CADPS: variants seen among roughly 807,000 people sequenced by gnomAD.
CADPS encodes calcium-dependent secretion activator 1.
In CADPS, 57 loss-of-function variants were observed where a neutral mutation model predicts 167.3. That is an observed-to-expected ratio of 0.34 (90% CI 0.28 to 0.42). CADPS has a LOEUF of 0.42. Among genes scored for constraint, CADPS ranks in the 20% least tolerant of loss-of-function variants. CADPS has a pLI of 1.00. For missense variants in CADPS, 1,414 were observed against 1,738.1 expected (o/e 0.81, Z 3.32); for synonymous variants, 676 against 635.3 (o/e 1.06, Z -0.96).
At chr3:62,474,394 G>T in intron 23 of CADPS, 74 bp from the exon 24 acceptor site, 2 of 1,428,014 alleles carry the variant, frequency 1.4e-6, no homozygotes, top group Non-Finnish European at 1.9e-6. Flanking sequence ...TTTCTGAGAG[G>T]TCAGTGAAAA....
intron 1 of CADPS, among the ~76,000 whole-genome samples, chr3:62,854,623 G>T (rs2079291216): frequency 6.6e-6 from 1 of 152,164 alleles, no homozygotes; most frequent in Admixed American, 6.5e-5. Flanking sequence ...GAAAAATCTA[G>T]GTTGCAAAAG....
At chr3:62,873,015 C>A (rs2082912405) in intron 1 of CADPS, among the ~76,000 whole-genome samples, 1 of 152,120 alleles carries the variant, frequency 6.6e-6, no homozygotes. Flanking sequence ...AAATAATATC[C>A]CAAAAACTTT....
Position 62,724,754 on chromosome 3 carries a change from C to T in CADPS, c.888+28687G>A, listed in dbSNP as rs570951053. ...AACCAGCATCCTCATTTCCCCAACT[C>T]ATATTTCTCTGTTGCTCTCCACGAA... is the stretch of plus-strand genomic sequence containing the variant. On this transcript the variant is annotated intron_variant, in intron 3 of 29. Transcript: ENST00000383710. Among the ~76,000 whole-genome samples, 188 of 152,340 alleles carry T rather than the reference C, an allele frequency of 1.2e-3. 1 individual carries two copies. The highest frequency in any genetic ancestry group is 4.4e-3 in the African/African-American group (181 of 41,584).
chr3:62,707,211 G>A (rs554964156), intron 3 of CADPS, among the ~76,000 whole-genome samples: 4 of 152,158 alleles, frequency 2.6e-5, no homozygotes, highest in East Asian at 1.9e-4. Context: ...TTATAGGAGC[G>A]CGAACCCTAT....
At position 62,445,874 on chromosome 3, in the gene CADPS, T is replaced by C. The variant is rs2057140124; in HGVS notation, c.3637-77A>G. The C allele has an allele frequency of 7.8e-6, 8 of 1,026,314 alleles. 1 individual carries two copies. The highest frequency in any genetic ancestry group is 6.0e-5 in the South Asian group (2 of 33,422). The allele number at this position is 1,026,314 out of a possible 1,614,324, so 63.6% of individuals were successfully genotyped here. On this transcript the variant is annotated intron_variant, in intron 26 of 29. Coordinates refer to ENST00000383710, the MANE Select transcript of CADPS (RefSeq NM_003716.4). ...TTCACTGCTCAATGCTGTATCCCCATCAGAATCAAAACAACATGCTGGCAC... is the reference window on the plus strand; with the variant it reads ...TTCACTGCTCAATGCTGTATCCCCACCAGAATCAAAACAACATGCTGGCAC...
At chr3:62,523,405 T>C (rs1032819758) in intron 13 of CADPS, among the ~76,000 whole-genome samples, 2 of 152,198 alleles carry the variant, frequency 1.3e-5, no homozygotes, top group African/African-American at 4.8e-5. Flanking sequence ...GAATTCAAGA[T>C]TCAATGTGTT....
At chr3:62,726,044 G>A (rs183970351) in intron 3 of CADPS, among the ~76,000 whole-genome samples, 136 of 151,884 alleles carry the variant, frequency 9.0e-4, no homozygotes, top group South Asian at 7.5e-3. Flanking sequence ...GAGGCTGACG[G>A]CCTATGGTTA....
At chr3:62,493,301 G>GA (rs1434087598) in intron 19 of CADPS, among the ~76,000 whole-genome samples, 1 of 152,078 alleles carries the variant, frequency 6.6e-6, no homozygotes, top group African/African-American at 2.4e-5. Flanking sequence ...TTCTGGCAGG[G>GA]AGCATGCAGA....
At chr3:62,778,156 T>A (rs1265267024) in intron 1 of CADPS, among the ~76,000 whole-genome samples, 1 of 152,220 alleles carries the variant, frequency 6.6e-6, no homozygotes, top group African/African-American at 2.4e-5. Flanking sequence ...TCAGGTTGAG[T>A]GACGCCACTT....
At chr3:62,430,478 C>T (rs886569929) in intron 28 of CADPS, among the ~76,000 whole-genome samples, 1 of 152,016 alleles carries the variant, frequency 6.6e-6, no homozygotes, top group Non-Finnish European at 1.5e-5. Context: ...CATGAAGACA[C>T]TGGGAATTCG....
chr3:62,774,743 C>T (rs1244886788), intron 1 of CADPS, among the ~76,000 whole-genome samples: 2 of 152,172 alleles, frequency 1.3e-5, no homozygotes. Context: ...TCTTTTTCTG[C>T]ATTCAATCTG....
chr3:62,662,975 T>C (rs1182854476), intron 3 of CADPS, among the ~76,000 whole-genome samples: 2 of 146,638 alleles, frequency 1.4e-5, no homozygotes, highest in Non-Finnish European at 2.9e-5. Context: ...AAGAGAACTA[T>C]TTGGATATAA....
At chr3:62,431,093 G>A (rs980056123) in intron 28 of CADPS, among the ~76,000 whole-genome samples, 5 of 152,156 alleles carry the variant, frequency 3.3e-5, no homozygotes, top group African/African-American at 1.2e-4. Flanking sequence ...TTGATCTAAA[G>A]AGTATGGAAA....
chr3:62,751,656 G>A (rs1270154047), intron 3 of CADPS, among the ~76,000 whole-genome samples: 2 of 152,008 alleles, frequency 1.3e-5, no homozygotes, highest in African/African-American at 2.4e-5. Context: ...CCTGACCTCA[G>A]GTAATCCACC....
intron 1 of CADPS, among the ~76,000 whole-genome samples, chr3:62,830,592 C>T (rs1280546521): frequency 6.6e-6 from 1 of 152,038 alleles, no homozygotes; most frequent in Non-Finnish European, 1.5e-5. Flanking sequence ...ATTAGAAACC[C>T]CACAATGCCA....
intron 6 of CADPS, among the ~76,000 whole-genome samples, chr3:62,613,285 G>A (rs2061754581): frequency 6.6e-6 from 1 of 152,122 alleles, no homozygotes; most frequent in Non-Finnish European, 1.5e-5. Flanking sequence ...TTTTTTGAGT[G>A]TCTAAATCCA....
chr3:62,774,276 C>T (rs1226890225), intron 1 of CADPS, among the ~76,000 whole-genome samples: 2 of 151,882 alleles, frequency 1.3e-5, no homozygotes, highest in Non-Finnish European at 2.9e-5. Context: ...CACCCTTGAA[C>T]CCGATAACAT....
At chr3:62,824,000 A>G (rs1358027025) in intron 1 of CADPS, among the ~76,000 whole-genome samples, 4 of 152,068 alleles carry the variant, frequency 2.6e-5, no homozygotes, top group Admixed American at 2.6e-4. Context: ...TGCAGGCATT[A>G]CATAATGTGC....
In CADPS at chr3:62,438,496, G is replaced by A. The variant is rs2149777740; in HGVS notation, c.3670-285C>T. 5.5e-6 allele frequency: 2 copies of A among 363,448 alleles called. No individual in the cohort carries two copies. The highest frequency in any genetic ancestry group is 3.0e-5 in the South Asian group (1 of 33,672). The allele number at this position is 363,448 out of a possible 1,614,324, so 22.5% of individuals were successfully genotyped here. The stretch of plus-strand genomic sequence containing the variant: ...TTTTTCCTGGCAAATTTATCTAATG[G>A]ATAAATCTTTACTGCATAACCCATA... On this transcript the variant is annotated intron_variant, in intron 27 of 29. Transcript: ENST00000383710. The surrounding 1 kb of genome is among the most constrained non-coding windows in gnomAD (Gnocchi z 4.7).
Sources: gnomAD v4.1 joint callset for allele counts (sites outside exome capture counted in the v4.1 genomes callset) on GRCh38, gnomAD v4.1.1 for gene constraint, Gnocchi (gnomAD v3.1) non-coding constraint, MANE v1.5 for transcripts, NCBI Gene and HGNC (gene_info 2026-07-23, HGNC 2026-07-21) for gene names.